Variants in NUP35 observed in about 807,000 individuals in gnomAD.
NUP35 encodes the protein nucleoporin NUP35.
A neutral mutation model predicts 41.5 loss-of-function variants in NUP35; 25 were observed. The observed-to-expected ratio is 0.60, with a 90% CI of 0.44 to 0.84. The LOEUF is 0.84. Ranked by LOEUF, NUP35 falls within the 40% of genes least tolerant of loss-of-function variation. The pLI is 0.00. For missense variants in NUP35, 396 were observed against 396.6 expected (o/e 1.00, Z 0.01); for synonymous variants, 149 against 130.7 (o/e 1.14, Z -0.96).
chr2:183,138,739 A>T (rs1684981339), intron 4 of NUP35, among the ~76,000 whole-genome samples: 1 of 151,744 alleles, frequency 6.6e-6, no homozygotes, highest in South Asian at 2.1e-4. Context: ...TCTTTCACTT[A>T]TATATTAGCT....
chr2:183,125,625 A>G (rs1398039449), intron 1 of NUP35, among the ~76,000 whole-genome samples: 1 of 152,238 alleles, frequency 6.6e-6, no homozygotes, highest in African/African-American at 2.4e-5. Context: ...AATGTATTTT[A>G]GAGATCAAAA....
intron 3 of NUP35, among the ~76,000 whole-genome samples, chr2:183,131,804 G>A (rs1684704597): frequency 6.6e-6 from 1 of 152,034 alleles, no homozygotes; most frequent in Non-Finnish European, 1.5e-5. Context: ...TCACCTGTTT[G>A]TACTTTTAAA....
chr2:183,159,363 A>G (rs557699336), intron 7 of NUP35, 125 bp from the exon 8 acceptor site: 1 of 757,522 alleles, frequency 1.3e-6, no homozygotes, highest in East Asian at 2.9e-5. Flanking sequence ...AATTATTTGC[A>G]AGTTTAATTA....
chr2:183,128,738 T>A (rs2675107), intron 2 of NUP35, among the ~76,000 whole-genome samples: 126,151 of 152,124 alleles, frequency 0.83, 52,846 homozygotes, highest in African/African-American at 0.92. Context: ...CTAGAATTTT[T>A]AAAAGTGTAG....
intron 4 of NUP35, among the ~76,000 whole-genome samples, chr2:183,141,532 T>C (rs569007618): frequency 2.0e-5 from 3 of 152,266 alleles, no homozygotes; most frequent in Non-Finnish European, 4.4e-5. Context: ...CATCTAACTT[T>C]ATTCCTTTGT....
At chr2:183,134,750 G>A (rs1004724922) in intron 4 of NUP35, among the ~76,000 whole-genome samples, 16 of 151,420 alleles carry the variant, frequency 1.1e-4, no homozygotes, top group Non-Finnish European at 1.9e-4. Context: ...CGGGTAGCTG[G>A]GATTACAGGT....
chr2:183,146,261 T>TA lies in NUP35; in HGVS notation c.398-5246dup, dbSNP rs200565890. Among the ~76,000 whole-genome samples, 1,044 of 152,242 alleles carry TA rather than the reference T, an allele frequency of 6.9e-3. 4 individuals are homozygous for TA. The highest frequency in any genetic ancestry group is 0.011 in the Non-Finnish European group (748 of 67,994). On this transcript the variant is annotated intron_variant, in intron 4 of 8. Transcript: ENST00000295119. Reference sequence around the variant, plus strand: ...AAAAAAAAAAGTATTTCAAAAATCTTACTTCTTTAGGGTTGCTAAACAATT... The same window carrying TA: ...AAAAAAAAAAGTATTTCAAAAATCTTAACTTCTTTAGGGTTGCTAAACAATT...
chr2:183,158,261 G>A, intron 6 of NUP35, 22 bp from the exon 7 acceptor site: 1 of 1,461,852 alleles, frequency 6.8e-7, no homozygotes, highest in Non-Finnish European at 9.2e-7. Context: ...TCTATTTTAA[G>A]AGACAGTTTT....
chr2:183,133,633 TCTTTC>T lies in NUP35; in HGVS notation c.397+11_397+15del. On this transcript the variant is annotated intron_variant, in intron 4 of 8. Coordinates refer to ENST00000295119, the MANE Select transcript of NUP35 (RefSeq NM_138285.5). ...TCTACTCCTGGAACAGGTAAGTGATTCTTTCTTTTTTTTTTTTTTTTTAAAAGACA... is the reference window on the plus strand; with the variant it reads ...TCTACTCCTGGAACAGGTAAGTGATTTTTTTTTTTTTTTTTTTAAAAGACA... 6.5e-7 allele frequency: 1 copy of T among 1,529,998 alleles called. No individual in the cohort carries two copies. The highest frequency in any genetic ancestry group is 8.7e-7 in the Non-Finnish European group (1 of 1,147,052). The allele number at this position is 1,529,998 out of a possible 1,614,324, so 94.8% of individuals were successfully genotyped here.
chr2:183,122,157 A>C (rs2105526298), upstream of NUP35, among the ~76,000 whole-genome samples: 1 of 151,458 alleles, frequency 6.6e-6, no homozygotes, highest in African/African-American at 2.4e-5. Flanking sequence ...GCTCACTGCA[A>C]CCTCCACCTC....
At chr2:183,155,856 A>G (rs1043725485) in intron 5 of NUP35, among the ~76,000 whole-genome samples, 2 of 152,068 alleles carry the variant, frequency 1.3e-5, no homozygotes, top group Admixed American at 1.3e-4. Context: ...ATTTTTTCGT[A>G]TTTCAGACAT....
At chr2:183,161,003 C>A in intron 8 of NUP35, 51 bp from the exon 9 acceptor site, 2 of 1,364,294 alleles carry the variant, frequency 1.5e-6, no homozygotes, top group Non-Finnish European at 2.1e-6. Context: ...TTGCCTATGA[C>A]ACTGAAGTAA....
intron 3 of NUP35, chr2:183,131,024 C>T (rs1684680009): frequency 1.5e-6 from 1 of 680,738 alleles, no homozygotes; most frequent in Non-Finnish European, 2.3e-6. Flanking sequence ...ATCAGTTGCC[C>T]AGGCTAGAGT....
At chr2:183,118,427 A>G (rs945761367) in intron 1 of NUP35, 1 of 152,244 alleles carries the variant, frequency 6.6e-6, no homozygotes, top group Non-Finnish European at 1.5e-5. Context: ...AACTATAAAC[A>G]GGTCTTCATT....
intron 5 of NUP35, among the ~76,000 whole-genome samples, chr2:183,154,139 C>T (rs931985036): frequency 1.3e-5 from 2 of 152,164 alleles, no homozygotes; most frequent in Non-Finnish European, 2.9e-5. Context: ...AGCACAGGGA[C>T]CCTGGGCCTG....
chr2:183,124,489 C>G lies in NUP35; in HGVS notation c.32C>G (p.Pro11Arg). 1 of 1,614,088 alleles carries G rather than the reference C, an allele frequency of 6.2e-7. No individual in the cohort carries two copies. The highest frequency in any genetic ancestry group is 8.5e-7 in the Non-Finnish European group (1 of 1,179,996). ...GCCTTTGCAGTGGAACCTCAGGGGC[C>G]CGCGTTAGGTGAGTGAAATATTGCT... MAAFAVEPQG[P>R]ALGSEPMMLG... Residue 11 changes from proline to arginine, a missense_variant, in exon 1 of 9, where the codon CCC becomes CGC. Physicochemically the swap from Pro to Arg is moderately radical, Grantham distance 103 (BLOSUM62 -2). Coordinates refer to ENST00000295119, the MANE Select transcript of NUP35 (RefSeq NM_138285.5).
chr2:183,156,775 T>G (rs1052610009), intron 5 of NUP35, among the ~76,000 whole-genome samples: 7 of 152,138 alleles, frequency 4.6e-5, no homozygotes, highest in African/African-American at 1.4e-4. Context: ...TTGGTAGTGG[T>G]TATTGTTTTC....
At chr2:183,141,293 T>C in intron 4 of NUP35, among the ~76,000 whole-genome samples, 1 of 152,212 alleles carries the variant, frequency 6.6e-6, no homozygotes, top group East Asian at 1.9e-4. Context: ...CCCACCTGGA[T>C]AATCTCCCCA....
At chr2:183,148,959 G>A (rs528617085) in intron 4 of NUP35, among the ~76,000 whole-genome samples, 2 of 152,262 alleles carry the variant, frequency 1.3e-5, no homozygotes, top group East Asian at 1.9e-4. Context: ...TATCACAGTA[G>A]CTTTTCCCCC....
Sources: gnomAD v4.1 joint callset for allele counts (sites outside exome capture counted in the v4.1 genomes callset) on GRCh38, gnomAD v4.1.1 for gene constraint, MANE v1.5 for transcripts, NCBI Gene and HGNC (gene_info 2026-07-23, HGNC 2026-07-21) for gene names.